Variants in STRBP observed in about 807,000 individuals in gnomAD.
The protein encoded by STRBP is spermatid perinuclear RNA-binding protein.
A neutral mutation model predicts 80.1 loss-of-function variants in STRBP; 13 were observed. The ratio of observed to expected loss-of-function variants is 0.16; its 90% CI spans 0.11 to 0.26. STRBP has a LOEUF of 0.26. STRBP is among the 10% of genes least tolerant of loss of function. The pLI, the probability that STRBP is intolerant of heterozygous loss-of-function variation, is 1.00. For missense variants in STRBP, 485 were observed against 815.2 expected (o/e 0.59, Z 4.93); for synonymous variants, 284 against 291.2 (o/e 0.98, Z 0.25).
chr9:123,121,991 G>A lies in STRBP; in HGVS notation c.*3606C>T, dbSNP rs886868550. ...CACACACACTTAGTGTAAGTGAAAT[G>A]TCTGTCTTGAGTAAAAAGCAGTTAC... On this transcript the variant is annotated 3_prime_UTR_variant, in exon 19 of 19. Coordinates refer to ENST00000348403, the MANE Select transcript of STRBP (RefSeq NM_018387.5). 5.2e-6 allele frequency: 1 copy of A among 193,672 alleles called. No individual in the cohort carries two copies. The highest frequency in any genetic ancestry group is 9.7e-5 in the South Asian group (1 of 10,266). The allele number at this position is 193,672 out of a possible 1,614,324, so 12.0% of individuals were successfully genotyped here. A position where few individuals can be genotyped will look rare whatever the true frequency, so the allele number is the denominator to read the frequency against.
In STRBP at chr9:123,268,574, C is replaced by G. The variant is rs983264761; in HGVS notation, c.-440G>C. The G allele has an allele frequency of 3.0e-4, 50 of 167,074 alleles. No homozygotes were observed. The highest frequency in any genetic ancestry group is 1.1e-3 in the African/African-American group (46 of 41,380). The allele number at this position is 167,074 out of a possible 1,614,324, so 10.3% of individuals were successfully genotyped here. A position where few individuals can be genotyped will look rare whatever the true frequency, so the allele number is the denominator to read the frequency against. The stretch of plus-strand genomic sequence containing the variant: ...GCTGCCCTGGTGGCGCTCGCGGCTC[C>G]GGTCTCCGCTTCGGCGGCGGCAGCG... On this transcript the variant is annotated 5_prime_UTR_variant, in exon 1 of 19. Transcript: ENST00000348403.
At chr9:123,144,643 A>T (rs181834150) in intron 13 of STRBP, among the ~76,000 whole-genome samples, 218 of 152,292 alleles carry the variant, frequency 1.4e-3, no homozygotes, top group Middle Eastern at 0.014. Flanking sequence ...AGAACTATGA[A>T]TTTTTTCCCC....
At chr9:123,201,925 C>A (rs1167431683) in intron 2 of STRBP, among the ~76,000 whole-genome samples, 1 of 152,076 alleles carries the variant, frequency 6.6e-6, no homozygotes, top group African/African-American at 2.4e-5. Context: ...TCTGGGAGTT[C>A]CAGTGTTAGG....
intron 1 of STRBP, among the ~76,000 whole-genome samples, chr9:123,238,867 C>T (rs1228573754): frequency 1.3e-5 from 2 of 151,778 alleles, no homozygotes; most frequent in African/African-American, 4.8e-5. Flanking sequence ...AAAGAGACAC[C>T]CCCCCACAAT....
intron 6 of STRBP, among the ~76,000 whole-genome samples, chr9:123,163,473 T>C (rs1019656128): frequency 1.3e-4 from 20 of 152,198 alleles, no homozygotes; most frequent in African/African-American, 4.3e-4. Flanking sequence ...TGCACCAGGT[T>C]CCCTTTTCCA....
chr9:123,247,476 C>T (rs2040822889), intron 1 of STRBP, among the ~76,000 whole-genome samples: 1 of 152,096 alleles, frequency 6.6e-6, no homozygotes, highest in African/African-American at 2.4e-5. Flanking sequence ...ATCATGTTGG[C>T]CAGGCTGGTC....
At chr9:123,244,453 C>G (rs1226098719) in intron 1 of STRBP, among the ~76,000 whole-genome samples, 1 of 152,112 alleles carries the variant, frequency 6.6e-6, no homozygotes, top group African/African-American at 2.4e-5. Context: ...AAGCCATAGA[C>G]TAGTTAATAA....
intron 13 of STRBP, among the ~76,000 whole-genome samples, chr9:123,141,651 A>G (rs2036594625): frequency 1.3e-5 from 2 of 152,284 alleles, no homozygotes; most frequent in South Asian, 2.1e-4. Flanking sequence ...AGACAATAAA[A>G]ATAGGCTAAT....
At chr9:123,114,476 A>G (rs533059142) in intron 3 of STRBP, 1 of 167,284 alleles carries the variant, frequency 6.0e-6, no homozygotes, top group Non-Finnish European at 1.5e-5. Flanking sequence ...AGGCCTCAGC[A>G]TGAACAACCA....
At chr9:123,212,581 T>C (rs561966748) in intron 2 of STRBP, 1 of 152,310 alleles carries the variant, frequency 6.6e-6, no homozygotes, top group African/African-American at 2.4e-5. Flanking sequence ...TAGTTGTTAT[T>C]CACCTGTCAA....
At chr9:123,179,846 T>TA (rs2038378435) in intron 3 of STRBP, among the ~76,000 whole-genome samples, 2 of 152,238 alleles carry the variant, frequency 1.3e-5, no homozygotes, top group Admixed American at 6.5e-5. Flanking sequence ...CTGCAAGAAT[T>TA]AGATACTTCT....
chr9:123,202,114 CCTT>C (rs1444438823), intron 2 of STRBP, among the ~76,000 whole-genome samples: 1 of 152,156 alleles, frequency 6.6e-6, no homozygotes, highest in East Asian at 1.9e-4. Context: ...TTACAGGACT[CCTT>C]CTCTGTTAGG....
At chr9:123,155,808 G>A (rs186089972) in intron 11 of STRBP, among the ~76,000 whole-genome samples, 1 of 152,042 alleles carries the variant, frequency 6.6e-6, no homozygotes, top group East Asian at 1.9e-4. Context: ...AGACATTAGT[G>A]TTGAAAAAAA....
intron 16 of STRBP, among the ~76,000 whole-genome samples, chr9:123,135,307 T>C (rs1030494249): frequency 3.9e-5 from 6 of 152,274 alleles, no homozygotes; most frequent in Admixed American, 3.9e-4. Flanking sequence ...TTTTAATTTC[T>C]ATCATATAAT....
At chr9:123,142,881 CA>C (rs2036651313) in intron 13 of STRBP, among the ~76,000 whole-genome samples, 1 of 152,118 alleles carries the variant, frequency 6.6e-6, no homozygotes. Context: ...CAAACAAATT[CA>C]AACCTAATAC....
At chr9:123,254,056 G>GA (rs1480131274) in intron 1 of STRBP, among the ~76,000 whole-genome samples, 1 of 121,478 alleles carries the variant, frequency 8.2e-6, no homozygotes, top group African/African-American at 2.5e-5. Context: ...GGAACGAGGG[G>GA]GAAAAAATCT....
intron 2 of STRBP, among the ~76,000 whole-genome samples, chr9:123,218,204 G>A (rs552652560): frequency 1.3e-5 from 2 of 152,108 alleles, no homozygotes; most frequent in East Asian, 3.9e-4. Flanking sequence ...AGCATAGAAT[G>A]TTTTCTTCAC....
In STRBP at chr9:123,110,181, CCAGA is replaced by C. The variant is rs1278402108; in HGVS notation, c.*85-432_*85-429del. On this transcript the variant is annotated intron_variant and NMD_transcript_variant, in intron 3 of 3. Coordinates refer to the STRBP transcript ENST00000471564. This position sits in a 1 kb window ranked among gnomAD's most constrained non-coding sequence, Gnocchi z 4.1. ...TAGACTGGCTGCACCTCCCACCTTC[CCAGA>C]CAGAGTTCTGCTTGGAGCCGCTGAG... is the stretch of plus-strand genomic sequence containing the variant. 1 of 152,364 alleles carries C rather than the reference CCAGA, an allele frequency of 6.6e-6. No homozygotes were observed. Among genetic ancestry groups the C allele is most frequent in the African/African-American group, 2.4e-5 (1 of 41,520 alleles). 9.4% of individuals were successfully genotyped at this position (152,364 alleles called of 1,614,324 possible). A position where few individuals can be genotyped will look rare whatever the true frequency, so the allele number is the denominator to read the frequency against.
chr9:123,220,040 G>A (rs971390283), intron 2 of STRBP, among the ~76,000 whole-genome samples: 8 of 152,036 alleles, frequency 5.3e-5, no homozygotes, highest in African/African-American at 1.9e-4. Flanking sequence ...TGTATTAAAA[G>A]AAATTCTAAA....
Sources: allele counts gnomAD v4.1 joint callset (sites outside exome capture counted in the v4.1 genomes callset), GRCh38; gene constraint gnomAD v4.1.1; non-coding constraint Gnocchi (gnomAD v3.1); transcripts MANE v1.5; gene names NCBI Gene and HGNC (gene_info 2026-07-23, HGNC 2026-07-21).